Variants in ENOX2 observed in about 807,000 individuals in gnomAD.
The protein encoded by ENOX2 is APK1 antigen.
In ENOX2, 36 loss-of-function variants were observed where a neutral mutation model predicts 45.0. The observed-to-expected ratio is 0.80, with a 90% confidence interval of 0.61 to 1.06. The LOEUF (loss-of-function observed/expected upper bound fraction) is 1.06. Ranked by LOEUF, ENOX2 falls within the 50% of genes least tolerant of loss-of-function variation. ENOX2 has a pLI of 0.00. For missense variants in ENOX2, 423 were observed against 462.5 expected (o/e 0.91, Z 0.78); for synonymous variants, 174 against 152.3 (o/e 1.14, Z -1.05).
At chrX:130,886,493 T>A (rs2078904675) in intron 2 of ENOX2, among the ~76,000 whole-genome samples, 1 of 112,250 alleles carries the variant, frequency 8.9e-6, no homozygotes, top group Non-Finnish European at 1.9e-5. Context: ...TCAAAAAACA[T>A]TCGCCCATAC....
chrX:130,851,466 T>C, intron 2 of ENOX2, among the ~76,000 whole-genome samples: 2 of 110,192 alleles, frequency 1.8e-5, no homozygotes, highest in Admixed American at 9.7e-5. Context: ...TTTTTCTTTT[T>C]TTTCCTTTTT....
At chrX:130,646,484 T>C (rs750261391) in intron 10 of ENOX2, among the ~76,000 whole-genome samples, 50 of 112,747 alleles carry the variant, frequency 4.4e-4, no homozygotes, top group African/African-American at 1.3e-3. Flanking sequence ...TTGTCATCTT[T>C]GGCTTCATTC....
intron 4 of ENOX2, among the ~76,000 whole-genome samples, chrX:130,699,453 T>A (rs1448931104): frequency 5.4e-5 from 6 of 111,640 alleles, no homozygotes; most frequent in Non-Finnish European, 9.4e-5. Context: ...ACAGGCCAGA[T>A]GAGACAGGAC....
chrX:130,869,373 A>G (rs2078536155), intron 2 of ENOX2, among the ~76,000 whole-genome samples: 1 of 111,279 alleles, frequency 9.0e-6, no homozygotes, highest in African/African-American at 3.3e-5. Flanking sequence ...TTAAAAATCC[A>G]CATTCCTTAG....
chrX:130,759,763 T>C (rs935744921), intron 3 of ENOX2, among the ~76,000 whole-genome samples: 7 of 109,703 alleles, frequency 6.4e-5, no homozygotes, highest in African/African-American at 2.3e-4. Flanking sequence ...TTTTATTTTT[T>C]TTTTGAGATT....
chrX:130,694,671 CA>C (rs1393165797), intron 4 of ENOX2, among the ~76,000 whole-genome samples: 40 of 101,458 alleles, frequency 3.9e-4, no homozygotes, highest in Admixed American at 3.5e-3. Context: ...GGCATGATCT[CA>C]GCTCACTGCA....
chrX:130,641,197 G>T (rs778004242), intron 10 of ENOX2, among the ~76,000 whole-genome samples: 24 of 111,373 alleles, frequency 2.2e-4, no homozygotes, highest in Middle Eastern at 4.6e-3. Flanking sequence ...GAAAATCAAA[G>T]AAAAAATCTT....
intron 3 of ENOX2, among the ~76,000 whole-genome samples, chrX:130,721,952 C>T (rs1417328545): frequency 8.9e-6 from 1 of 111,818 alleles, no homozygotes; most frequent in Non-Finnish European, 1.9e-5. Context: ...CCTATAGATT[C>T]AAGGAATTTT....
intron 3 of ENOX2, among the ~76,000 whole-genome samples, chrX:130,703,731 T>C (rs1484149998): frequency 1.8e-5 from 2 of 111,845 alleles, no homozygotes; most frequent in Non-Finnish European, 3.8e-5. Context: ...TAATTTCATA[T>C]CTTTGAAGCA....
At chrX:130,705,460 A>T (rs1383900956) in intron 3 of ENOX2, among the ~76,000 whole-genome samples, 1 of 112,519 alleles carries the variant, frequency 8.9e-6, no homozygotes, top group Non-Finnish European at 1.9e-5. Flanking sequence ...ATAGTAATTC[A>T]CAATGCTTGT....
At chrX:130,821,742 TAAAAAAA>T in intron 2 of ENOX2, among the ~76,000 whole-genome samples, 25 of 23,157 alleles carry the variant, frequency 1.1e-3, no homozygotes, top group Admixed American at 1.9e-3. Context: ...ATAAATAAAT[TAAAAAAA>T]AAAAAAAAAA....
At chrX:130,824,341 T>G (rs966065453) in intron 2 of ENOX2, among the ~76,000 whole-genome samples, 1 of 111,873 alleles carries the variant, frequency 8.9e-6, no homozygotes, top group African/African-American at 3.2e-5. Context: ...TAGTTAGTTT[T>G]CTTCAAGGGT....
At chrX:130,832,837 C>T (rs913567297) in intron 2 of ENOX2, among the ~76,000 whole-genome samples, 11 of 111,023 alleles carry the variant, frequency 9.9e-5, no homozygotes, top group Non-Finnish European at 1.5e-4. Flanking sequence ...TCTGCCTTCA[C>T]ACACCACCCC....
intron 6 of ENOX2, among the ~76,000 whole-genome samples, chrX:130,675,951 A>G (rs2037138062): frequency 2.7e-5 from 3 of 112,476 alleles, no homozygotes; most frequent in Non-Finnish European, 5.6e-5. Context: ...ACAAAGAATA[A>G]TATTACCCAG....
chrX:130,889,708 C>T (rs73635969), intron 2 of ENOX2, among the ~76,000 whole-genome samples: 27 of 112,511 alleles, frequency 2.4e-4, no homozygotes, highest in African/African-American at 7.4e-4. Context: ...AAGTGCTTGT[C>T]TTTTGAGGTA....
intron 2 of ENOX2, among the ~76,000 whole-genome samples, chrX:130,850,429 T>C (rs2078184886): frequency 8.9e-6 from 1 of 112,012 alleles, no homozygotes; most frequent in Non-Finnish European, 1.9e-5. Context: ...AGCAAAAAGG[T>C]ATAAAGTACT....
At chrX:130,718,541 T>C (rs1385130782) in intron 3 of ENOX2, among the ~76,000 whole-genome samples, 1 of 112,190 alleles carries the variant, frequency 8.9e-6, no homozygotes, top group African/African-American at 3.2e-5. Flanking sequence ...TGGAAAAGTA[T>C]TTTGAAAGCT....
chrX:130,750,179 C>G (rs1370559202), intron 3 of ENOX2, among the ~76,000 whole-genome samples: 1 of 111,787 alleles, frequency 8.9e-6, no homozygotes, highest in Non-Finnish European at 1.9e-5. Context: ...AGTTTTCAGT[C>G]TGTCTGTCTT....
At chrX:130,768,250 G>T (rs2039660289) in intron 3 of ENOX2, among the ~76,000 whole-genome samples, 1 of 111,859 alleles carries the variant, frequency 8.9e-6, no homozygotes, top group Non-Finnish European at 1.9e-5. Flanking sequence ...CTGAACTGCT[G>T]TATGTTTGGA....
Sources: allele counts gnomAD v4.1 joint callset (sites outside exome capture counted in the v4.1 genomes callset), GRCh38; gene constraint gnomAD v4.1.1; transcripts MANE v1.5; gene names NCBI Gene and HGNC (gene_info 2026-07-23, HGNC 2026-07-21).